ABTB1: variants seen among roughly 807,000 people sequenced by gnomAD.
The protein encoded by ABTB1 is ankyrin repeat and BTB/POZ domain-containing protein 1.
ABTB1 carries 45 observed loss-of-function variants against 57.1 expected under a neutral mutation model. The ratio of observed to expected loss-of-function variants is 0.79; its 90% CI spans 0.62 to 1.01. ABTB1 has a LOEUF of 1.01. Among genes scored for constraint, ABTB1 ranks in the 50% least tolerant of loss-of-function variants. The pLI is 0.00. For missense variants in ABTB1, 630 were observed against 666.3 expected (o/e 0.95, Z 0.60); for synonymous variants, 302 against 275.4 (o/e 1.10, Z -0.95).
In ABTB1 at chr3:127,680,492, C is replaced by T; in HGVS notation, c.*17C>T. The T allele has an allele frequency of 6.3e-7, 1 of 1,596,526 alleles. No homozygotes were observed. The highest frequency in any genetic ancestry group is 8.5e-7 in the Non-Finnish European group (1 of 1,176,762). ...GACTGTTGAGCCCCTGGCTGGGCAG[C>T]CCCAGGGGCCAGGAGCTCTCTTGGA... is the stretch of plus-strand genomic sequence containing the variant. On this transcript the variant is annotated 3_prime_UTR_variant, in exon 12 of 12. Transcript: ENST00000232744.
chr3:127,674,322 T>C, intron 1 of ABTB1, 69 bp from the exon 2 acceptor site: 1 of 1,558,050 alleles, frequency 6.4e-7, no homozygotes, highest in South Asian at 1.2e-5. Flanking sequence ...TCTCCGTTCC[T>C]TTCCACGGGC....
At chr3:127,679,901 C>A in intron 10 of ABTB1, 84 bp from the exon 11 acceptor site, 1 of 1,420,100 alleles carries the variant, frequency 7.0e-7, no homozygotes. Context: ...GCCCCCCAAC[C>A]ACCACAGGCC....
At chr3:127,679,895 C>CCCAA in intron 10 of ABTB1, 90 bp from the exon 11 acceptor site, 1 of 1,382,388 alleles carries the variant, frequency 7.2e-7, no homozygotes, top group Non-Finnish European at 1.0e-6. Context: ...GCCAGTGCCC[C>CCCAA]CCAACCACCA....
chr3:127,675,877 C>G, intron 3 of ABTB1, 93 bp from the exon 4 acceptor site: 2 of 1,505,774 alleles, frequency 1.3e-6, no homozygotes, highest in South Asian at 2.4e-5. Flanking sequence ...AGATTCGGAG[C>G]CCCATGTGTG....
At chr3:127,677,886 T>G in intron 10 of ABTB1, 43 bp downstream of exon 10, 1 of 1,592,330 alleles carries the variant, frequency 6.3e-7, no homozygotes, top group Non-Finnish European at 8.6e-7. Flanking sequence ...CAACCTGTGC[T>G]GCCGTGGGCT....
chr3:127,679,325 C>T (rs1034857945), intron 10 of ABTB1: 1 of 344,096 alleles, frequency 2.9e-6, no homozygotes, highest in Non-Finnish European at 5.8e-6. Flanking sequence ...TGGCATGGCA[C>T]ATGGCACATG....
rs1329351893 is a variant in ABTB1 at position 127,677,206 on chromosome 3, A to G, written c.682A>G (p.Ile228Val). ...KPGTCVKVLT[I>V]EPPPADPRLR... ...AGGCACGTGTGTGAAGGTGCTGACCATCGAGCCCCCACCTGCAGACCCCCG... is the reference window on the plus strand; with the variant it reads ...AGGCACGTGTGTGAAGGTGCTGACCGTCGAGCCCCCACCTGCAGACCCCCG... Residue 228 changes from isoleucine (I) to valine (V), a missense_variant, in exon 8 of 12, where the codon ATC becomes GTC. By Grantham distance (29) the Ile-to-Val change is conservative (BLOSUM62 3). Around this residue, in one of 3 missense-constraint regions of ABTB1, gnomAD observed 579 missense variants for 585.9 expected, o/e 0.99. Coordinates refer to ENST00000232744, the MANE Select transcript of ABTB1 (RefSeq NM_172027.3). 3 of 1,611,610 alleles carry G rather than the reference A, an allele frequency of 1.9e-6. No homozygotes were observed. The highest frequency in any genetic ancestry group is 2.2e-5 in the South Asian group (2 of 90,766).
rs377744543 is a variant in ABTB1, at chr3:127,676,130, C to A, written c.320+16C>A. 6.3e-5 allele frequency: 101 copies of A among 1,612,308 alleles called. No homozygotes were observed. The highest frequency in any genetic ancestry group is 7.5e-5 in the Non-Finnish European group (89 of 1,179,430). ...TCTTGCAGCGGTGAGCCAGGGCACA[C>A]GAGGGGTGCAGCATGGGGTGCGGTG... On this transcript the variant is annotated intron_variant, in intron 4 of 11. Coordinates refer to ENST00000232744, the MANE Select transcript of ABTB1 (RefSeq NM_172027.3). The surrounding 1 kb of genome is among the most constrained non-coding windows in gnomAD (Gnocchi z 5.4).
At position 127,676,695 on chromosome 3, in the gene ABTB1, CG is replaced by C. The variant is rs2074991473; in HGVS notation, c.526+118del. 1.4e-6 allele frequency: 2 copies of C among 1,397,742 alleles called. No individual in the cohort carries two copies. Among genetic ancestry groups the C allele is most frequent in the Non-Finnish European group, 2.0e-6 (2 of 1,007,262 alleles). 86.6% of individuals were successfully genotyped at this position (1,397,742 alleles called of 1,614,324 possible). On this transcript the variant is annotated intron_variant, in intron 6 of 11. Transcript: ENST00000232744. The surrounding 1 kb of genome is among the most constrained non-coding windows in gnomAD (Gnocchi z 5.4). ...ACCTCTAGACACTTCATGGTCCCCC[CG>C]GGGTGGTTCCAGCTGCCTCTCGGGT...
chr3:127,673,265 T>A (rs1021170291), intron 1 of ABTB1, 184 bp downstream of exon 1: 7 of 488,602 alleles, frequency 1.4e-5, no homozygotes, highest in African/African-American at 1.2e-4. Flanking sequence ...GGAAGCGCGC[T>A]GGGGCGGGGA....
In ABTB1 at chr3:127,680,839, A is replaced by G; in HGVS notation, c.*364A>G. On this transcript the variant is annotated 3_prime_UTR_variant, in exon 12 of 12. Coordinates refer to ENST00000232744, the MANE Select transcript of ABTB1 (RefSeq NM_172027.3). ...TTGCCTAGCCCTGAATTGCTTCTCTAAGCTGGTGTTCCCATGCACAGGGCC... is the reference window on the plus strand; with the variant it reads ...TTGCCTAGCCCTGAATTGCTTCTCTGAGCTGGTGTTCCCATGCACAGGGCC... 1.6e-6 allele frequency: 1 copy of G among 626,902 alleles called. No homozygotes were observed. Among genetic ancestry groups the G allele is most frequent in the Non-Finnish European group, 2.8e-6 (1 of 353,264 alleles). The allele number at this position is 626,902 out of a possible 1,614,324, so 38.8% of individuals were successfully genotyped here.
chr3:127,678,996 C>G (rs2075060167), intron 10 of ABTB1: 2 of 154,524 alleles, frequency 1.3e-5, no homozygotes, highest in African/African-American at 4.8e-5. Context: ...GCCCCTCAGC[C>G]TCCATCTTTC....
In ABTB1 at chr3:127,680,801, A is replaced by G. The variant is rs775419440; in HGVS notation, c.*326A>G. On this transcript the variant is annotated 3_prime_UTR_variant, in exon 12 of 12. Coordinates refer to ENST00000232744, the MANE Select transcript of ABTB1 (RefSeq NM_172027.3). ...CCCTACCCACCCCAGTCCCAAATCC[A>G]GTCCTCTGGCCCTTGCCTAGCCCTG... is the stretch of plus-strand genomic sequence containing the variant. The G allele has an allele frequency of 4.3e-5, 28 of 657,716 alleles. No homozygotes were observed. The highest frequency in any genetic ancestry group is 1.1e-4 in the African/African-American group (6 of 55,488). The allele number at this position is 657,716 out of a possible 1,614,324, so 40.7% of individuals were successfully genotyped here. A position where few individuals can be genotyped will look rare whatever the true frequency, so the allele number is the denominator to read the frequency against.
Position 127,677,917 on chromosome 3 carries a change from T to TG in ABTB1, c.1029+79dup, listed in dbSNP as rs2075027154. On this transcript the variant is annotated intron_variant, in intron 10 of 11. Coordinates refer to ENST00000232744, the MANE Select transcript of ABTB1 (RefSeq NM_172027.3). ...GGGCTGAGAGGGAGCGCCAGGGCCC[T>TG]GGGGGTCTGTGGAAGGGCCCAGCTG... is the stretch of plus-strand genomic sequence containing the variant. 2.0e-6 allele frequency: 3 copies of TG among 1,535,658 alleles called. No homozygotes were observed. The South Asian group carries it at 3.5e-5, about 18-fold the overall frequency.
At chr3:127,675,642 T>C in intron 3 of ABTB1, 2 of 354,070 alleles carry the variant, frequency 5.6e-6, no homozygotes, top group Non-Finnish European at 5.4e-6. Context: ...CTCACTAGAG[T>C]ATAAGTTCAG....
In ABTB1 at chr3:127,680,329, C is replaced by CG; in HGVS notation, c.1293dup (p.Gln432AlafsTer81). Reference sequence around the variant, plus strand: ...GGAGGAGGCAGCGGCTGTGGCAGCCCGGCAGGAGACGGACTCTATCCCGCT... The same window carrying CG: ...GGAGGAGGCAGCGGCTGTGGCAGCCCGGGCAGGAGACGGACTCTATCCCGCT... On this transcript the variant is annotated frameshift_variant, in exon 12 of 12. Coordinates refer to ENST00000232744, the MANE Select transcript of ABTB1 (RefSeq NM_172027.3). LOFTEE classifies it high-confidence loss of function. The CG allele has an allele frequency of 6.2e-7, 1 of 1,610,262 alleles. No homozygotes were observed. Among genetic ancestry groups the CG allele is most frequent in the Non-Finnish European group, 8.5e-7 (1 of 1,178,638 alleles).
chr3:127,679,869 C>T, intron 10 of ABTB1, 116 bp from the exon 11 acceptor site: 1 of 1,010,308 alleles, frequency 9.9e-7, no homozygotes, highest in Non-Finnish European at 1.5e-6. Flanking sequence ...CTCCTACTCC[C>T]ACTGGAAGCC....
At position 127,675,962 on chromosome 3, in the gene ABTB1, TC is replaced by T; in HGVS notation, c.176-3del. ...TCCCTGCTAACTGGTGAGCCCTGCC[TC>T]CCCCAGGAGCCCGCTGCGAGGCCAA... is the stretch of plus-strand genomic sequence containing the variant. On this transcript the variant is annotated splice_region_variant and splice_polypyrimidine_tract_variant and intron_variant, in intron 3 of 11. Coordinates refer to ENST00000232744, the MANE Select transcript of ABTB1 (RefSeq NM_172027.3). The T allele has an allele frequency of 6.2e-7, 1 of 1,602,502 alleles. No homozygotes were observed. The highest frequency in any genetic ancestry group is 1.9e-4 in the Middle Eastern group (1 of 5,302).
In ABTB1 at chr3:127,676,282, C is replaced by G. The variant is rs1458691205; in HGVS notation, c.331C>G (p.Gln111Glu). The G allele has an allele frequency of 1.9e-6, 3 of 1,613,374 alleles. No individual in the cohort carries two copies. Among genetic ancestry groups the G allele is most frequent in the East Asian group, 2.2e-5 (1 of 44,854 alleles). Reference protein sequence around the residue: ...YDDFLQRLLEQGIHSDVVFVV... With the variant: ...YDDFLQRLLEEGIHSDVVFVV... ...CTTGTCCCTCCCCAGGCTTCTAGAGCAGGGCATCCACAGTGACGTGGTCTT... is the reference window on the plus strand; with the variant it reads ...CTTGTCCCTCCCCAGGCTTCTAGAGGAGGGCATCCACAGTGACGTGGTCTT... The change falls in exon 5 of 12, where the codon CAG becomes GAG. Residue 111 changes from glutamine (Q) to glutamate (E), a missense_variant. Transcript: ENST00000232744. This position sits in a 1 kb window ranked among gnomAD's most constrained non-coding sequence, Gnocchi z 5.4.
Sources: gnomAD v4.1 joint callset for allele counts on GRCh38, gnomAD v4.1.1 for gene constraint, gnomAD v4.1.1 regional missense constraint, Gnocchi (gnomAD v3.1) non-coding constraint, MANE v1.5 for transcripts, NCBI Gene and HGNC (gene_info 2026-07-23, HGNC 2026-07-21) for gene names.